Variants in CCDC50 observed in about 807,000 individuals in gnomAD.
CCDC50 encodes the protein coiled-coil domain-containing protein 50.
CCDC50 carries 54 observed loss-of-function variants against 70.2 expected under a neutral mutation model. The ratio of observed to expected loss-of-function variants is 0.77; its 90% CI spans 0.62 to 0.96. CCDC50 has a LOEUF of 0.96. Among genes scored for constraint, CCDC50 ranks in the 50% least tolerant of loss-of-function variants. The pLI is 0.00. For missense variants in CCDC50, 558 were observed against 578.7 expected, an observed-to-expected ratio of 0.96 and a Z score of 0.37; for synonymous variants, 216 against 198.8, an observed-to-expected ratio of 1.09 and a Z score of -0.73.
Position 191,391,993 on chromosome 3 carries a change from A to G in CCDC50, c.*233A>G, listed in dbSNP as rs1293810145. ...TGAATATTGGCCACCTCTATGCTGC[A>G]TATACTTCTTGGGATATAGTATCTA... On this transcript the variant is annotated 3_prime_UTR_variant, in exon 12 of 12. Transcript: ENST00000392455. The G allele has an allele frequency of 1.9e-6, 1 of 540,000 alleles. No homozygotes were observed. The highest frequency in any genetic ancestry group is 3.3e-6 in the Non-Finnish European group (1 of 300,614). 33.5% of individuals were successfully genotyped at this position (540,000 alleles called of 1,614,324 possible).
intron 5 of CCDC50, among the ~76,000 whole-genome samples, chr3:191,372,257 C>T (rs1156698825): frequency 6.6e-6 from 1 of 152,036 alleles, no homozygotes; most frequent in African/African-American, 2.4e-5. Context: ...ATGCTTGTTT[C>T]TTTGGGGAGA....
At chr3:191,366,995 T>C (rs1349510682) in intron 4 of CCDC50, among the ~76,000 whole-genome samples, 3 of 152,090 alleles carry the variant, frequency 2.0e-5, no homozygotes, top group African/African-American at 7.2e-5. Flanking sequence ...TGCATAGTAA[T>C]GTTGGAAAGC....
chr3:191,336,742 T>C (rs1711532261), intron 1 of CCDC50, among the ~76,000 whole-genome samples: 1 of 152,188 alleles, frequency 6.6e-6, no homozygotes, highest in African/African-American at 2.4e-5. Flanking sequence ...ACTTATGCAA[T>C]TACATTTGGA....
intron 6 of CCDC50, among the ~76,000 whole-genome samples, chr3:191,378,953 C>G (rs1713213293): frequency 6.6e-6 from 1 of 151,968 alleles, no homozygotes; most frequent in African/African-American, 2.4e-5. Context: ...CCGCAGAAGC[C>G]AGGTTGAAAG....
intron 10 of CCDC50, among the ~76,000 whole-genome samples, chr3:191,387,738 T>C (rs1713546947): frequency 6.6e-6 from 1 of 151,146 alleles, no homozygotes; most frequent in Non-Finnish European, 1.5e-5. Context: ...CTTTGTTTCA[T>C]AACTTTAGCA....
At chr3:191,347,359 A>C (rs1445327212) in intron 1 of CCDC50, among the ~76,000 whole-genome samples, 1 of 141,722 alleles carries the variant, frequency 7.1e-6, no homozygotes, top group African/African-American at 2.5e-5. Flanking sequence ...AGTTTTCTCA[A>C]ACCAGTAATT....
intron 1 of CCDC50, among the ~76,000 whole-genome samples, chr3:191,331,131 G>T (rs1031030458): frequency 6.6e-6 from 1 of 152,094 alleles, no homozygotes; most frequent in African/African-American, 2.4e-5. Flanking sequence ...GGATATGAGG[G>T]TTTTTTGTGT....
At chr3:191,335,548 A>G (rs997140597) in intron 1 of CCDC50, among the ~76,000 whole-genome samples, 1 of 152,142 alleles carries the variant, frequency 6.6e-6, no homozygotes, top group Non-Finnish European at 1.5e-5. Flanking sequence ...GAGTTCTCAG[A>G]TATTGCTTTT....
At chr3:191,332,398 A>T (rs1718020820) in intron 1 of CCDC50, among the ~76,000 whole-genome samples, 1 of 152,228 alleles carries the variant, frequency 6.6e-6, no homozygotes, top group African/African-American at 2.4e-5. Flanking sequence ...GAAAAGAATC[A>T]AGTCAACTAA....
chr3:191,375,829 C>T (rs1175273863), intron 6 of CCDC50, among the ~76,000 whole-genome samples: 1 of 152,062 alleles, frequency 6.6e-6, no homozygotes, highest in African/African-American at 2.4e-5. Flanking sequence ...GAGAGTTATT[C>T]CATGCCCAGG....
At position 191,369,984 on chromosome 3, in the gene CCDC50, A is replaced by C. The variant is rs779978048; in HGVS notation, c.396A>C (p.Pro132=). Residue 132 remains proline (P), a synonymous_variant, in exon 5 of 12, where the codon CCA becomes CCC. Coordinates refer to ENST00000392455, the MANE Select transcript of CCDC50 (RefSeq NM_178335.3). ...QEEKKRKKHF[P]EFPATRAYAD... is the part of the protein sequence containing the mutation. ...AGAAAAAGAGAAAGAAACACTTTCC[A>C]GAGTTCCCTGCAACCCGTGCTTATG... The C allele has an allele frequency of 1.2e-6, 2 of 1,613,492 alleles. No individual in the cohort carries two copies. Among genetic ancestry groups the C allele is most frequent in the African/African-American group, 2.7e-5 (2 of 74,912 alleles).
chr3:191,391,517 A>G (rs1044483670), intron 11 of CCDC50, among the ~76,000 whole-genome samples: 2 of 152,204 alleles, frequency 1.3e-5, no homozygotes, highest in African/African-American at 4.8e-5. Context: ...TTCTTTCTCA[A>G]ACTACATGTA....
At chr3:191,370,067 T>G (rs1712845916) in intron 5 of CCDC50, 31 bp downstream of exon 5, 3 of 1,427,402 alleles carry the variant, frequency 2.1e-6, no homozygotes, top group Admixed American at 1.7e-5. Context: ...ATCTATTCTA[T>G]CCTTAGACTC....
Position 191,360,985 on chromosome 3 carries a change from G to A in CCDC50, c.240-84G>A, listed in dbSNP as rs78232378. 4,033 of 890,798 alleles carry A rather than the reference G, an allele frequency of 4.5e-3. 119 individuals are homozygous for A. In the African/African-American group the frequency reaches 0.059, roughly 13 times the overall value. The allele number at this position is 890,798 out of a possible 1,614,324, so 55.2% of individuals were successfully genotyped here. A position where few individuals can be genotyped will look rare whatever the true frequency, so the allele number is the denominator to read the frequency against. ...AAATAATGTACTTCTCATATAGTGA[G>A]TATTCAATAAATTGTATTTATTACT... On this transcript the variant is annotated intron_variant, in intron 3 of 11. Coordinates refer to ENST00000392455, the MANE Select transcript of CCDC50 (RefSeq NM_178335.3).
intron 10 of CCDC50, among the ~76,000 whole-genome samples, chr3:191,388,016 AAAGAT>A (rs1713556436): frequency 6.6e-6 from 1 of 152,132 alleles, no homozygotes; most frequent in Non-Finnish European, 1.5e-5. Context: ...ATTGTTTATT[AAAGAT>A]AAGTGTTAAA....
At chr3:191,338,304 G>T (rs369412170) in intron 1 of CCDC50, among the ~76,000 whole-genome samples, 1 of 152,110 alleles carries the variant, frequency 6.6e-6, no homozygotes, top group Non-Finnish European at 1.5e-5. Flanking sequence ...TATTATGAAG[G>T]TCTGTGTAAA....
At chr3:191,373,595 C>G (rs1345615193) in intron 5 of CCDC50, among the ~76,000 whole-genome samples, 2 of 152,116 alleles carry the variant, frequency 1.3e-5, no homozygotes, top group Non-Finnish European at 2.9e-5. Context: ...TATAAATTTA[C>G]AGCAGTAGTC....
intron 10 of CCDC50, among the ~76,000 whole-genome samples, chr3:191,387,413 A>G (rs1037458730): frequency 7.9e-5 from 12 of 152,168 alleles, no homozygotes; most frequent in South Asian, 4.1e-4. Context: ...TTAGTTAATA[A>G]GATTTTTCTA....
rs1040968691 is a variant in CCDC50, at chr3:191,396,981, T to G, written c.*5221T>G. 1.3e-5 allele frequency: 2 copies of G among 152,208 alleles called. No individual in the cohort carries two copies. The highest frequency in any genetic ancestry group is 2.9e-5 in the Non-Finnish European group (2 of 68,026). The allele number at this position is 152,208 out of a possible 1,614,324, so 9.4% of individuals were successfully genotyped here. ...AACTAGAAGAAAATGTTTTTTCTCTTTTTGAGTTAACTTCATAGCATAGAG... is the reference window on the plus strand; with the variant it reads ...AACTAGAAGAAAATGTTTTTTCTCTGTTTGAGTTAACTTCATAGCATAGAG... On this transcript the variant is annotated 3_prime_UTR_variant, in exon 12 of 12. Coordinates refer to ENST00000392455, the MANE Select transcript of CCDC50 (RefSeq NM_178335.3).
Sources: allele counts gnomAD v4.1 joint callset (sites outside exome capture counted in the v4.1 genomes callset), GRCh38; gene constraint gnomAD v4.1.1; transcripts MANE v1.5; gene names NCBI Gene and HGNC (gene_info 2026-07-23, HGNC 2026-07-21).